The following SLC38A1 variants were observed in gnomAD, a reference collection of about 807,000 sequenced individuals.
The protein encoded by SLC38A1 is sodium-coupled neutral amino acid symporter 1.
SLC38A1 carries 18 observed loss-of-function variants against 60.3 expected under a neutral mutation model. That is an observed-to-expected ratio of 0.30 (90% CI 0.21 to 0.44). The LOEUF (loss-of-function observed/expected upper bound fraction) is 0.44, where lower values mean the gene tolerates loss of function less well. Among genes scored for constraint, SLC38A1 ranks in the 20% least tolerant of loss-of-function variants. The pLI, the probability that SLC38A1 is intolerant of heterozygous loss-of-function variation, is 1.00. For synonymous variants in SLC38A1, 196 were observed against 212.1 expected (o/e 0.92, Z 0.66); for missense variants, 448 against 587.2 (o/e 0.76, Z 2.45).
chr12:46,229,579 C>CT lies in SLC38A1; in HGVS notation c.182dup (p.Lys62GlufsTer3). The CT allele has an allele frequency of 6.2e-7, 1 of 1,612,496 alleles. No homozygotes were observed. The highest frequency in any genetic ancestry group is 8.5e-7 in the Non-Finnish European group (1 of 1,178,802). On this transcript the variant is annotated frameshift_variant, in exon 4 of 17. Transcript: ENST00000398637. LOFTEE classifies it high-confidence loss of function. The stretch of plus-strand genomic sequence containing the variant: ...TGATACTTACATACTCATCACACTT[C>CT]TTTTTTTCCAAATGGCTGTTTGTGA...
Position 46,198,737 on chromosome 12 carries a change from A to G in SLC38A1, c.1010T>C (p.Val337Ala), listed in dbSNP as rs1565752309. ...ATATTTGTGAAGGAGGTCGGACTGC[A>G]CGTTGTCTAAAATGAGGGAAAAGCA... ...IFGYLTFYDN[V>A]QSDLLHKYQS... Residue 337 changes from valine (V) to alanine (A), a missense_variant, in exon 14 of 17, where the codon GTG (valine) becomes GCG (alanine). Val to Ala is a moderately conservative substitution (Grantham distance 64). Coordinates refer to ENST00000398637, the MANE Select transcript of SLC38A1 (RefSeq NM_030674.4). The G allele has an allele frequency of 4.4e-6, 7 of 1,601,432 alleles. No individual in the cohort carries two copies. Among genetic ancestry groups the G allele is most frequent in the Non-Finnish European group, 5.1e-6 (6 of 1,172,930 alleles).
chr12:46,206,190 T>C (rs372477272), intron 8 of SLC38A1, 28 bp from the exon 9 acceptor site: 43 of 1,460,232 alleles, frequency 2.9e-5, no homozygotes, highest in Admixed American at 3.8e-5. Flanking sequence ...GATTAGGTTA[T>C]ATTTTTTTAG....
At chr12:46,240,598 T>C (rs746553002) in intron 2 of SLC38A1, among the ~76,000 whole-genome samples, 2 of 152,224 alleles carry the variant, frequency 1.3e-5, no homozygotes, top group Non-Finnish European at 2.9e-5. Flanking sequence ...AAAAGCACCT[T>C]CGGTTTAGCA....
intron 2 of SLC38A1, among the ~76,000 whole-genome samples, chr12:46,242,916 T>C (rs1247572127): frequency 2.6e-5 from 4 of 152,182 alleles, no homozygotes; most frequent in Non-Finnish European, 4.4e-5. Flanking sequence ...TCCTTTTCTC[T>C]TTTCCTTTCC....
At position 46,204,376 on chromosome 12, in the gene SLC38A1, C is replaced by T; in HGVS notation, c.747G>A (p.Glu249=). ...KKFQIPCIVP[E]LNSTISANST... Reference sequence around the variant, plus strand: ...AATTAGCACTTATTGTTGAATTTAGCTCTGGAACAATGCAGGGAATTTGAA... The same window carrying T: ...AATTAGCACTTATTGTTGAATTTAGTTCTGGAACAATGCAGGGAATTTGAA... The change falls in exon 11 of 17, where the codon GAG becomes GAA. Residue 249 remains glutamate, a synonymous_variant. Coordinates refer to ENST00000398637, the MANE Select transcript of SLC38A1 (RefSeq NM_030674.4). The T allele has an allele frequency of 1.2e-6, 2 of 1,613,658 alleles. No homozygotes were observed. Among genetic ancestry groups the T allele is most frequent in the Non-Finnish European group, 1.7e-6 (2 of 1,179,734 alleles).
At chr12:46,207,767 G>A in intron 6 of SLC38A1, 146 bp from the exon 7 acceptor site, 1 of 699,234 alleles carries the variant, frequency 1.4e-6, no homozygotes, top group East Asian at 2.7e-5. Context: ...GGCCTTCAGG[G>A]GTTAAGGTAT....
chr12:46,213,068 T>C (rs1592094648), intron 5 of SLC38A1, among the ~76,000 whole-genome samples: 1 of 152,216 alleles, frequency 6.6e-6, no homozygotes, highest in African/African-American at 2.4e-5. Flanking sequence ...GCTGTTTACA[T>C]CTCAGTCATG....
At chr12:46,257,897 A>G (rs1446128142) in intron 1 of SLC38A1, among the ~76,000 whole-genome samples, 1 of 152,250 alleles carries the variant, frequency 6.6e-6, no homozygotes, top group Non-Finnish European at 1.5e-5. Context: ...CGCACAAGAA[A>G]AAATTCAGGG....
At position 46,187,568 on chromosome 12, in the gene SLC38A1, T is replaced by C. The variant is rs1437990117; in HGVS notation, c.*1402A>G. The C allele has an allele frequency of 1.3e-5, 2 of 152,268 alleles. No homozygotes were observed. 9.4% of individuals were successfully genotyped at this position (152,268 alleles called of 1,614,324 possible). A position where few individuals can be genotyped will look rare whatever the true frequency, so the allele number is the denominator to read the frequency against. ...TCTTTTTCAGTCTCTTCAGTTTCCT[T>C]GTGCTCCCTTTAGGAGAGGGACAAG... On this transcript the variant is annotated 3_prime_UTR_variant, in exon 17 of 17. Transcript: ENST00000398637.
intron 1 of SLC38A1, among the ~76,000 whole-genome samples, chr12:46,248,226 A>C (rs1378877603): frequency 6.6e-6 from 1 of 152,226 alleles, no homozygotes; most frequent in Non-Finnish European, 1.5e-5. Context: ...CCCCAATTAA[A>C]AGACACAGAC....
chr12:46,236,342 GCTAA>G lies in SLC38A1; in HGVS notation c.122+3333_122+3336del, dbSNP rs371312065. On this transcript the variant is annotated intron_variant, in intron 3 of 16. Transcript: ENST00000398637. The stretch of plus-strand genomic sequence containing the variant: ...ATAATGGAACACTAGGCATAAATGG[GCTAA>G]CTAACCTGTTGTGGCAGGATTTGAA... Among the ~76,000 whole-genome samples, 202 of 152,224 alleles carry G rather than the reference GCTAA, an allele frequency of 1.3e-3. 2 individuals carry two copies. The highest frequency in any genetic ancestry group is 4.3e-3 in the African/African-American group (180 of 41,524).
At chr12:46,261,588 C>A (rs953842199) in intron 1 of SLC38A1, among the ~76,000 whole-genome samples, 2 of 152,174 alleles carry the variant, frequency 1.3e-5, no homozygotes, top group Admixed American at 1.3e-4. Flanking sequence ...AAAATGGGAA[C>A]ATGAAGCAAT....
chr12:46,227,037 T>A (rs1940893957), intron 5 of SLC38A1, among the ~76,000 whole-genome samples: 1 of 149,314 alleles, frequency 6.7e-6, no homozygotes, highest in Non-Finnish European at 1.5e-5. Flanking sequence ...CTAAGAGATT[T>A]GACAAGTTTC....
At chr12:46,239,631 C>G (rs371653423) in intron 3 of SLC38A1, 48 bp downstream of exon 3, 1 of 1,606,268 alleles carries the variant, frequency 6.2e-7, no homozygotes, top group African/African-American at 1.3e-5. Context: ...GTGTGAGCCA[C>G]GAGCCATTTC....
At chr12:46,219,311 GGC>G (rs1940554284) in intron 5 of SLC38A1, among the ~76,000 whole-genome samples, 1 of 152,204 alleles carries the variant, frequency 6.6e-6, no homozygotes, top group Admixed American at 6.5e-5. Context: ...ATTTTGCAAA[GGC>G]AGTTTCAGTT....
chr12:46,203,941 T>C (rs1939774904), intron 11 of SLC38A1, among the ~76,000 whole-genome samples: 2 of 152,214 alleles, frequency 1.3e-5, no homozygotes, highest in South Asian at 4.1e-4. Context: ...GTGGCATCTA[T>C]ATTTCAACTG....
intron 1 of SLC38A1, among the ~76,000 whole-genome samples, chr12:46,246,504 G>A (rs1941623972): frequency 6.6e-6 from 1 of 152,258 alleles, no homozygotes; most frequent in Admixed American, 6.5e-5. Context: ...AGCAGCCAAG[G>A]AAGCTCGAAC....
intron 13 of SLC38A1, among the ~76,000 whole-genome samples, 154 bp from the exon 14 acceptor site, chr12:46,198,897 C>A (rs1297679537): frequency 1.3e-5 from 2 of 152,124 alleles, no homozygotes; most frequent in African/African-American, 4.8e-5. Context: ...AAAGAAAAAT[C>A]TCTATGTAAG....
At chr12:46,208,927 C>T in intron 6 of SLC38A1, 127 bp downstream of exon 6, 1 of 687,602 alleles carries the variant, frequency 1.5e-6, no homozygotes, top group Non-Finnish European at 2.5e-6. Context: ...TCCAATCACT[C>T]TAGGTCAAAA....
Sources: allele counts gnomAD v4.1 joint callset (sites outside exome capture counted in the v4.1 genomes callset), GRCh38; gene constraint gnomAD v4.1.1; transcripts MANE v1.5; gene names NCBI Gene and HGNC (gene_info 2026-07-23, HGNC 2026-07-21).